The following ABCA13 variants were observed in gnomAD, a reference collection of about 807,000 sequenced individuals.
ABCA13 encodes ATP-binding cassette sub-family A member 13.
A neutral mutation model predicts 478.7 loss-of-function variants in ABCA13; 476 were observed. The observed-to-expected ratio is 0.99, with a 90% CI of 0.92 to 1.07. ABCA13 has a LOEUF of 1.07. ABCA13 is among the 50% of genes least tolerant of loss of function. The pLI, the probability that ABCA13 is intolerant of heterozygous loss-of-function variation, is 0.00. For missense variants in ABCA13, 6,060 were observed against 5,910.6 expected, an observed-to-expected ratio of 1.03 and a Z score of -0.83; for synonymous variants, 2,252 against 2,158.9, an observed-to-expected ratio of 1.04 and a Z score of -1.20.
intron 59 of ABCA13, among the ~76,000 whole-genome samples, chr7:48,626,149 A>G (rs1793643425): frequency 6.6e-6 from 1 of 152,218 alleles, no homozygotes; most frequent in Non-Finnish European, 1.5e-5. Context: ...GTAATAAGGC[A>G]TGAGCCCTGT....
At chr7:48,415,833 A>G (rs1243513836) in intron 41 of ABCA13, among the ~76,000 whole-genome samples, 1 of 152,234 alleles carries the variant, frequency 6.6e-6, no homozygotes, top group Non-Finnish European at 1.5e-5. Flanking sequence ...CCAATCAATA[A>G]TATCTCCAGG....
chr7:48,349,827 G>A (rs1234285352), intron 29 of ABCA13, among the ~76,000 whole-genome samples: 1 of 152,224 alleles, frequency 6.6e-6, no homozygotes, highest in Non-Finnish European at 1.5e-5. Context: ...TGTTCAGGAG[G>A]TCAGTGAGAT....
At chr7:48,257,330 G>A (rs1793543754) in intron 15 of ABCA13, among the ~76,000 whole-genome samples, 1 of 152,002 alleles carries the variant, frequency 6.6e-6, no homozygotes, top group South Asian at 2.1e-4. Flanking sequence ...AGGACTTTCA[G>A]TATTATGGTG....
At chr7:48,416,400 C>T (rs1585228316) in intron 41 of ABCA13, among the ~76,000 whole-genome samples, 2 of 152,124 alleles carry the variant, frequency 1.3e-5, no homozygotes, top group Admixed American at 6.5e-5. Context: ...TGGGCCTCGA[C>T]AGAGCCTGCA....
chr7:48,177,842 T>C (rs751953699), intron 1 of ABCA13, among the ~76,000 whole-genome samples: 13 of 152,198 alleles, frequency 8.5e-5, no homozygotes, highest in Non-Finnish European at 1.9e-4. Context: ...CGGGAGCCTG[T>C]GGGATCTTGG....
chr7:48,346,077 G>A (rs1195964287), intron 29 of ABCA13, among the ~76,000 whole-genome samples: 1 of 152,166 alleles, frequency 6.6e-6, no homozygotes, highest in Non-Finnish European at 1.5e-5. Context: ...ACAGCTAGGT[G>A]TGCAGTAGGC....
At chr7:48,505,848 A>G (rs1389055952) in intron 48 of ABCA13, among the ~76,000 whole-genome samples, 1 of 152,234 alleles carries the variant, frequency 6.6e-6, no homozygotes, top group Non-Finnish European at 1.5e-5. Flanking sequence ...AAGCCCAAGA[A>G]AGCAAACAAA....
At position 48,352,435 on chromosome 7, in the gene ABCA13, G is replaced by A. The variant is rs1160966143; in HGVS notation, c.10636G>A (p.Glu3546Lys). The change falls in exon 31 of 62, where the codon GAA (glutamate) becomes AAA (lysine). Residue 3546 changes from glutamate to lysine, a missense_variant. By Grantham distance (56) the Glu-to-Lys change is moderately conservative. Transcript: ENST00000435803. ...ILVQTGQEAL[E>K]PAAQTQAAPY... ...GGTGCAGACTGGGCAGGAAGCCCTG[G>A]AACCAGCAGCACAGACTCAGGCGGC... The A allele has an allele frequency of 6.2e-7, 1 of 1,612,916 alleles. No homozygotes were observed. Among genetic ancestry groups the A allele is most frequent in the African/African-American group, 1.3e-5 (1 of 74,680 alleles).
chr7:48,543,003 G>T (rs1834037810), intron 55 of ABCA13, among the ~76,000 whole-genome samples: 1 of 151,684 alleles, frequency 6.6e-6, no homozygotes, highest in Non-Finnish European at 1.5e-5. Context: ...TATAAAAAAG[G>T]TAGTATACAC....
At chr7:48,633,959 G>C (rs958721881) in intron 59 of ABCA13, among the ~76,000 whole-genome samples, 5 of 151,902 alleles carry the variant, frequency 3.3e-5, no homozygotes, top group Admixed American at 6.6e-5. Context: ...TAGATAGATA[G>C]ATAGATAGAT....
At chr7:48,487,249 G>T (rs1177915773) in intron 47 of ABCA13, among the ~76,000 whole-genome samples, 2 of 151,588 alleles carry the variant, frequency 1.3e-5, no homozygotes, top group Admixed American at 1.3e-4. Context: ...GGCAGATGTT[G>T]CAGTGAGCTG....
At chr7:48,564,282 T>G (rs56661725) in intron 55 of ABCA13, among the ~76,000 whole-genome samples, 5,173 of 151,124 alleles carry the variant, frequency 0.034, 305 homozygotes, top group African/African-American at 0.12. Context: ...TTTTTTTTTT[T>G]GAGGTAAAAT....
rs368142408 is a variant in ABCA13 at position 48,617,401 on chromosome 7, G to A, written c.14837+2024G>A. Among the ~76,000 whole-genome samples, 21 of 152,306 alleles carry A rather than the reference G, an allele frequency of 1.4e-4. No homozygotes were observed. The East Asian group carries it at 2.5e-3, about 18-fold the overall frequency. On this transcript the variant is annotated intron_variant, in intron 59 of 61. Transcript: ENST00000435803. ...CTGAGGAGATAACTCAGGAGAAGGC[G>A]AGGGTTTTGGAGGGAAGATTATGGC...
chr7:48,433,632 T>C (rs376591848), intron 42 of ABCA13, among the ~76,000 whole-genome samples: 2 of 151,958 alleles, frequency 1.3e-5, no homozygotes, highest in African/African-American at 4.8e-5. Flanking sequence ...TTTCCAGAAC[T>C]TTTTTATCTT....
At chr7:48,174,312 A>T (rs1169995403) in intron 1 of ABCA13, among the ~76,000 whole-genome samples, 3 of 151,948 alleles carry the variant, frequency 2.0e-5, no homozygotes, top group Admixed American at 6.6e-5. Context: ...CTTTTTTTTT[A>T]AATTGATGCA....
intron 29 of ABCA13, among the ~76,000 whole-genome samples, chr7:48,341,858 T>TATATATATATATATCTTTCTG (rs71006563): frequency 0.56 from 48,838 of 86,652 alleles, 16,845 homozygotes; most frequent in Middle Eastern, 0.7. Flanking sequence ...ATCTTTCTGA[T>TATATATATATATATCTTTCTG]ATATATATAT....
At chr7:48,484,691 A>G (rs1354452982) in intron 47 of ABCA13, among the ~76,000 whole-genome samples, 1 of 152,144 alleles carries the variant, frequency 6.6e-6, no homozygotes, top group Non-Finnish European at 1.5e-5. Context: ...CTGTACTGAC[A>G]TGTTTGAGTG....
intron 22 of ABCA13, 128 bp from the exon 23 acceptor site, chr7:48,298,238 A>T: frequency 1.2e-6 from 1 of 821,216 alleles, no homozygotes; most frequent in Non-Finnish European, 1.8e-6. Flanking sequence ...GACTTTATTT[A>T]GTGATTTATG....
chr7:48,202,817 C>T (rs537631698), intron 3 of ABCA13, among the ~76,000 whole-genome samples: 4 of 152,370 alleles, frequency 2.6e-5, no homozygotes, highest in Non-Finnish European at 5.9e-5. Flanking sequence ...TTCTCCAAGG[C>T]CCCACCAGAC....
Sources: gnomAD v4.1 joint callset for allele counts (sites outside exome capture counted in the v4.1 genomes callset) on GRCh38, gnomAD v4.1.1 for gene constraint, MANE v1.5 for transcripts, NCBI Gene and HGNC (gene_info 2026-07-23, HGNC 2026-07-21) for gene names.